PLCXD3: variants seen among roughly 807,000 people sequenced by gnomAD.
PLCXD3 encodes phosphatidylinositol specific phospholipase C X domain containing 3.
PLCXD3 carries 19 observed loss-of-function variants against 25.5 expected under a neutral mutation model. That is an observed-to-expected ratio of 0.75 (90% CI 0.52 to 1.09). PLCXD3 has a LOEUF of 1.09. Among genes scored for constraint, PLCXD3 ranks in the 50% least tolerant of loss-of-function variants. The pLI is 0.00. For missense variants in PLCXD3, 411 were observed against 388.1 expected (o/e 1.06, Z -0.50); for synonymous variants, 174 against 137.6 (o/e 1.26, Z -1.85).
Position 41,321,717 on chromosome 5 carries a change from T to C in PLCXD3, c.813-7947A>G, listed in dbSNP as rs568710677. Reference sequence around the variant, plus strand: ...TAACTAACACAGCATGGCACTGGCATAAAAACAGACACATAGACCAAGAGA... The same window carrying C: ...TAACTAACACAGCATGGCACTGGCACAAAAACAGACACATAGACCAAGAGA... On this transcript the variant is annotated intron_variant, in intron 2 of 2. Coordinates refer to ENST00000377801, the MANE Select transcript of PLCXD3 (RefSeq NM_001005473.3). Among the ~76,000 whole-genome samples the C allele has an allele frequency of 4.6e-5, 7 of 152,256 alleles. No homozygotes were observed. In the South Asian group the frequency reaches 1.2e-3, roughly 27 times the overall value.
chr5:41,412,166 T>A (rs1268197739), intron 1 of PLCXD3, among the ~76,000 whole-genome samples: 1 of 152,096 alleles, frequency 6.6e-6, no homozygotes, highest in African/African-American at 2.4e-5. Context: ...CGTGGTCAAA[T>A]TTATACTCTA....
At chr5:41,470,694 G>T (rs956917966) in intron 1 of PLCXD3, among the ~76,000 whole-genome samples, 3 of 152,290 alleles carry the variant, frequency 2.0e-5, no homozygotes, top group Non-Finnish European at 4.4e-5. Flanking sequence ...TCTATTGGCT[G>T]AGTTCCTTTA....
intron 1 of PLCXD3, among the ~76,000 whole-genome samples, chr5:41,428,107 T>A (rs1561270466): frequency 6.6e-6 from 1 of 152,104 alleles, no homozygotes; most frequent in Non-Finnish European, 1.5e-5. Flanking sequence ...CTAAACTTTG[T>A]CTCTCTCCCC....
chr5:41,394,574 C>T (rs189990703), intron 1 of PLCXD3, among the ~76,000 whole-genome samples: 2 of 152,132 alleles, frequency 1.3e-5, no homozygotes, highest in African/African-American at 2.4e-5. Flanking sequence ...AAGAAACACA[C>T]TTTACCCATA....
chr5:41,328,652 G>C (rs1743701566), intron 2 of PLCXD3, among the ~76,000 whole-genome samples: 1 of 152,078 alleles, frequency 6.6e-6, no homozygotes, highest in Non-Finnish European at 1.5e-5. Flanking sequence ...TCTTCAAACT[G>C]ATTACAGGAT....
chr5:41,494,392 A>G (rs986707853), intron 1 of PLCXD3, among the ~76,000 whole-genome samples: 1 of 152,260 alleles, frequency 6.6e-6, no homozygotes, highest in African/African-American at 2.4e-5. Context: ...TAGGACTGTA[A>G]TAGTGGCAGC....
intron 2 of PLCXD3, among the ~76,000 whole-genome samples, chr5:41,329,691 T>C (rs1743732378): frequency 6.6e-6 from 1 of 151,692 alleles, no homozygotes; most frequent in Admixed American, 6.6e-5. Flanking sequence ...GTACATATAG[T>C]GTCAGGAGGT....
chr5:41,313,503 G>C lies in PLCXD3; in HGVS notation c.*114C>G. On this transcript the variant is annotated 3_prime_UTR_variant, in exon 3 of 3. Transcript: ENST00000377801. Reference sequence around the variant, plus strand: ...TTTCCCCTTTTCCCACCCACTACCAGCCCTATTCCCTTCAGAGACTCAGTG... The same window carrying C: ...TTTCCCCTTTTCCCACCCACTACCACCCCTATTCCCTTCAGAGACTCAGTG... 7.9e-7 allele frequency: 1 copy of C among 1,268,780 alleles called. No homozygotes were observed. Among genetic ancestry groups the C allele is most frequent in the Non-Finnish European group, 1.1e-6 (1 of 885,748 alleles). The allele number at this position is 1,268,780 out of a possible 1,614,324, so 78.6% of individuals were successfully genotyped here.
chr5:41,317,892 TC>T (rs1376566509), intron 2 of PLCXD3, among the ~76,000 whole-genome samples: 1 of 151,764 alleles, frequency 6.6e-6, no homozygotes, highest in African/African-American at 2.4e-5. Context: ...AAAAGACAAA[TC>T]TAAGAGTTAT....
intron 2 of PLCXD3, among the ~76,000 whole-genome samples, chr5:41,325,215 A>G (rs2150471506): frequency 6.6e-6 from 1 of 152,346 alleles, no homozygotes; most frequent in South Asian, 2.1e-4. Context: ...CATTTAAAAT[A>G]TCATTCCTCT....
chr5:41,355,064 C>G (rs553477527), intron 2 of PLCXD3, among the ~76,000 whole-genome samples: 1 of 152,256 alleles, frequency 6.6e-6, no homozygotes, highest in East Asian at 1.9e-4. Context: ...TGAATATAGA[C>G]ACACATCAAG....
At chr5:41,489,043 TA>T (rs1433630158) in intron 1 of PLCXD3, among the ~76,000 whole-genome samples, 1 of 152,232 alleles carries the variant, frequency 6.6e-6, no homozygotes, top group African/African-American at 2.4e-5. Flanking sequence ...GGTTTTCTTC[TA>T]GGGTTTTTAT....
chr5:41,357,291 C>T (rs1171994727), intron 2 of PLCXD3, among the ~76,000 whole-genome samples: 1 of 151,978 alleles, frequency 6.6e-6, no homozygotes, highest in East Asian at 1.9e-4. Flanking sequence ...ATATAGCTGT[C>T]AAAAATACTG....
At chr5:41,421,665 C>A (rs948500096) in intron 1 of PLCXD3, among the ~76,000 whole-genome samples, 1 of 152,156 alleles carries the variant, frequency 6.6e-6, no homozygotes, top group Non-Finnish European at 1.5e-5. Flanking sequence ...TGCGCTACTG[C>A]AGTCAGGCCT....
At chr5:41,449,310 G>C (rs1199957334) in intron 1 of PLCXD3, among the ~76,000 whole-genome samples, 1 of 152,126 alleles carries the variant, frequency 6.6e-6, no homozygotes, top group East Asian at 1.9e-4. Context: ...GACTAAACAA[G>C]ATTGATTTTG....
intron 2 of PLCXD3, among the ~76,000 whole-genome samples, chr5:41,353,822 C>A (rs1218716829): frequency 2.0e-5 from 3 of 152,168 alleles, no homozygotes; most frequent in Non-Finnish European, 4.4e-5. Flanking sequence ...TTTCTCTGGG[C>A]TCCAGTAGTA....
Position 41,308,131 on chromosome 5 carries a change from G to A in PLCXD3, c.*5486C>T, listed in dbSNP as rs1257806142. 1 of 152,076 alleles carries A rather than the reference G, an allele frequency of 6.6e-6. No homozygotes were observed. The highest frequency in any genetic ancestry group is 1.5e-5 in the Non-Finnish European group (1 of 68,010). The allele number at this position is 152,076 out of a possible 1,614,324, so 9.4% of individuals were successfully genotyped here. A position where few individuals can be genotyped will look rare whatever the true frequency, so the allele number is the denominator to read the frequency against. ...ACATTATGACTGCAGATATTCATAAGGTGTCTGAACACAAGGGTATGGAGG... is the reference window on the plus strand; with the variant it reads ...ACATTATGACTGCAGATATTCATAAAGTGTCTGAACACAAGGGTATGGAGG... On this transcript the variant is annotated 3_prime_UTR_variant, in exon 3 of 3. Coordinates refer to ENST00000377801, the MANE Select transcript of PLCXD3 (RefSeq NM_001005473.3).
intron 1 of PLCXD3, among the ~76,000 whole-genome samples, chr5:41,394,476 C>T (rs1745935723): frequency 6.6e-6 from 1 of 152,010 alleles, no homozygotes. Context: ...TCAATAATAA[C>T]ATTGAATGTA....
chr5:41,462,635 G>T (rs920700724), intron 1 of PLCXD3, among the ~76,000 whole-genome samples: 1 of 151,834 alleles, frequency 6.6e-6, no homozygotes, highest in East Asian at 1.9e-4. Flanking sequence ...GTAGAATAAA[G>T]TGTCTTCTTA....
Sources: gnomAD v4.1 joint callset for allele counts (sites outside exome capture counted in the v4.1 genomes callset) on GRCh38, gnomAD v4.1.1 for gene constraint, MANE v1.5 for transcripts, NCBI Gene and HGNC (gene_info 2026-07-23, HGNC 2026-07-21) for gene names.